Variants in NTRK3 observed in about 807,000 individuals in gnomAD.
The protein encoded by NTRK3 is neurotrophic receptor tyrosine kinase 3.
In NTRK3, 24 loss-of-function variants were observed where a neutral mutation model predicts 91.7. That is an observed-to-expected ratio of 0.26 (90% CI 0.19 to 0.37). The LOEUF (loss-of-function observed/expected upper bound fraction) is 0.37. Ranked by LOEUF, NTRK3 falls within the 10% of genes least tolerant of loss-of-function variation. The pLI is 1.00. For synonymous variants in NTRK3, 483 were observed against 404.0 expected (o/e 1.20, Z -2.34); for missense variants, 880 against 1,068.9 (o/e 0.82, Z 2.46).
exon 19 of NTRK3, chr15:87,864,964 G>A (rs1455445967): frequency 4.6e-6 from 1 of 215,248 alleles, no homozygotes; most frequent in East Asian, 6.9e-5. Flanking sequence ...GATGCTTTTT[G>A]TCTACTGAAC....
chr15:87,976,723 A>G (rs563327053), intron 14 of NTRK3, among the ~76,000 whole-genome samples: 1 of 152,314 alleles, frequency 6.6e-6, no homozygotes, highest in South Asian at 2.1e-4. Flanking sequence ...GAAACTTGCC[A>G]TGAGAGTGTG....
intron 14 of NTRK3, among the ~76,000 whole-genome samples, chr15:87,987,381 C>G (rs1366332659): frequency 6.6e-6 from 1 of 152,142 alleles, no homozygotes; most frequent in Non-Finnish European, 1.5e-5. Context: ...TCCCTAATTA[C>G]TACTGAGGTT....
At chr15:88,207,056 G>C (rs1038218110) in intron 3 of NTRK3, among the ~76,000 whole-genome samples, 2 of 152,184 alleles carry the variant, frequency 1.3e-5, no homozygotes, top group South Asian at 4.1e-4. Flanking sequence ...CGGAGTCACT[G>C]GCTTAGCGTC....
rs953995462 is a variant in NTRK3, at chr15:88,255,845, T to G, written c.248+61A>C. ...CGGAGGGCCGGCTCCCGGCCGCGGG[T>G]GGGCAGGAGGGAGACGCAGAGCGCG... On this transcript the variant is annotated intron_variant, in intron 3 of 18. Transcript: ENST00000394480. This position sits in a 1 kb window ranked among gnomAD's most constrained non-coding sequence, Gnocchi z 4.3. The G allele has an allele frequency of 7.0e-6, 10 of 1,419,234 alleles. No homozygotes were observed. The highest frequency in any genetic ancestry group is 5.2e-4 in the Middle Eastern group (2 of 3,846). 87.9% of individuals were successfully genotyped at this position (1,419,234 alleles called of 1,614,324 possible). A position where few individuals can be genotyped will look rare whatever the true frequency, so the allele number is the denominator to read the frequency against.
intron 18 of NTRK3, among the ~76,000 whole-genome samples, chr15:87,879,877 T>C (rs972340196): frequency 2.0e-5 from 3 of 152,204 alleles, no homozygotes; most frequent in Non-Finnish European, 4.4e-5. Flanking sequence ...GGGCTTGGCA[T>C]ACCTAAAACC....
chr15:88,133,425 T>C lies in NTRK3; in HGVS notation c.1204+1676A>G, dbSNP rs562730488. Among the ~76,000 whole-genome samples, 224 of 152,234 alleles carry C rather than the reference T, an allele frequency of 1.5e-3. 1 individual carries two copies. Among genetic ancestry groups the C allele is most frequent in the Middle Eastern group, 3.4e-3 (1 of 294 alleles). On this transcript the variant is annotated intron_variant, in intron 10 of 18. Transcript: ENST00000394480. ...AGGAGCCAGAGTGTCTTCTCCTCCC[T>C]CCTGAGCATTCTAGGGTTCCCCCCT...
intron 5 of NTRK3, among the ~76,000 whole-genome samples, chr15:88,173,773 C>T (rs552895258): frequency 4.4e-4 from 67 of 152,364 alleles, no homozygotes; most frequent in Admixed American, 2.2e-3. Context: ...CCAAGGCTGA[C>T]CAGAGTTGGC....
intron 3 of NTRK3, among the ~76,000 whole-genome samples, chr15:88,197,111 A>AC (rs2047898282): frequency 7.8e-6 from 1 of 128,894 alleles, no homozygotes; most frequent in Admixed American, 7.2e-5. Flanking sequence ...AAAAAAAAAA[A>AC]AAAAAAAAAA....
intron 13 of NTRK3, among the ~76,000 whole-genome samples, chr15:88,033,706 A>G (rs977039109): frequency 2.0e-5 from 3 of 152,094 alleles, no homozygotes; most frequent in Admixed American, 1.3e-4. Flanking sequence ...CTTTCTTGAG[A>G]ATTACTCACC....
intron 14 of NTRK3, chr15:87,981,120 T>C: frequency 2.0e-6 from 3 of 1,532,462 alleles, no homozygotes; most frequent in South Asian, 2.4e-5. Flanking sequence ...CGTACCTCAG[T>C]CCACGAAATA....
chr15:88,126,593 C>T (rs553986131), intron 12 of NTRK3, among the ~76,000 whole-genome samples: 2 of 152,152 alleles, frequency 1.3e-5, no homozygotes, highest in Non-Finnish European at 2.9e-5. Flanking sequence ...GAAAGTTCCA[C>T]GATTCAATGT....
chr15:87,897,452 A>T (rs913899270), intron 17 of NTRK3, among the ~76,000 whole-genome samples: 8 of 152,178 alleles, frequency 5.3e-5, no homozygotes, highest in African/African-American at 1.9e-4. Context: ...GGCTCCACTG[A>T]GGCCTCCTGG....
chr15:88,137,318 G>A (rs2041969247), intron 7 of NTRK3, 86 bp downstream of exon 7: 1 of 1,515,908 alleles, frequency 6.6e-7, no homozygotes, highest in Admixed American at 1.7e-5. Context: ...GAAGGCTCTG[G>A]CATCCCAAGG....
Position 88,106,995 on chromosome 15 carries a change from T to C in NTRK3, c.1396+19276A>G, listed in dbSNP as rs556540942. On this transcript the variant is annotated intron_variant, in intron 13 of 18. Coordinates refer to ENST00000394480, the Ensembl canonical transcript of NTRK3. Reference sequence around the variant, plus strand: ...ACTCAGGTACAGATCTACAGTTACATAGATATATGTGCATATGTACATATA... The same window carrying C: ...ACTCAGGTACAGATCTACAGTTACACAGATATATGTGCATATGTACATATA... Among the ~76,000 whole-genome samples, 35 of 152,024 alleles carry C rather than the reference T, an allele frequency of 2.3e-4. 1 individual carries two copies. The East Asian group carries it at 5.8e-3, about 25-fold the overall frequency.
chr15:87,863,255 T>C (rs1420801926), exon 19 of NTRK3: 2 of 226,076 alleles, frequency 8.8e-6, no homozygotes, highest in African/African-American at 4.5e-5. Flanking sequence ...ACCTTAAGAA[T>C]AAAGTCTTCC....
At chr15:87,984,256 G>A (rs2074543268) in intron 14 of NTRK3, among the ~76,000 whole-genome samples, 1 of 152,186 alleles carries the variant, frequency 6.6e-6, no homozygotes, top group Non-Finnish European at 1.5e-5. Flanking sequence ...GTGTAAACAA[G>A]CATGGACAGA....
intron 14 of NTRK3, among the ~76,000 whole-genome samples, chr15:87,963,883 G>A (rs2072539543): frequency 6.6e-6 from 1 of 151,994 alleles, no homozygotes; most frequent in African/African-American, 2.4e-5. Context: ...ATTATATTTA[G>A]GTTCAACCAC....
chr15:88,231,206 G>A (rs1339703848), intron 3 of NTRK3, among the ~76,000 whole-genome samples: 1 of 152,004 alleles, frequency 6.6e-6, no homozygotes, highest in Non-Finnish European at 1.5e-5. Flanking sequence ...CCAAGTTCTG[G>A]GCATTTTATT....
At chr15:88,195,118 G>A (rs1419254119) in intron 3 of NTRK3, among the ~76,000 whole-genome samples, 1 of 152,200 alleles carries the variant, frequency 6.6e-6, no homozygotes, top group Non-Finnish European at 1.5e-5. Flanking sequence ...CTAGCGGGGT[G>A]AGGCCAGAGA....
Sources: allele counts gnomAD v4.1 joint callset (sites outside exome capture counted in the v4.1 genomes callset), GRCh38; gene constraint gnomAD v4.1.1; non-coding constraint Gnocchi (gnomAD v3.1); transcripts MANE v1.5; gene names NCBI Gene and HGNC (gene_info 2026-07-23, HGNC 2026-07-21).